The following ARHGAP28 variants were observed in gnomAD, a reference collection of about 807,000 sequenced individuals.
The protein encoded by ARHGAP28 is rho GTPase-activating protein 28.
A neutral mutation model predicts 90.7 loss-of-function variants in ARHGAP28; 56 were observed. The observed-to-expected ratio is 0.62, with a 90% CI of 0.50 to 0.77. The LOEUF (loss-of-function observed/expected upper bound fraction) is 0.77. ARHGAP28 is among the 30% of genes least tolerant of loss of function. ARHGAP28 has a pLI of 0.00. For synonymous variants in ARHGAP28, 308 were observed against 323.3 expected (o/e 0.95, Z 0.51); for missense variants, 869 against 900.9 (o/e 0.96, Z 0.45).
At chr18:6,841,653 A>G (rs2056829044) in intron 3 of ARHGAP28, among the ~76,000 whole-genome samples, 1 of 152,084 alleles carries the variant, frequency 6.6e-6, no homozygotes, top group African/African-American at 2.4e-5. Context: ...TTTGTAAGAT[A>G]TGGGTCCATT....
At chr18:6,895,002 C>A in intron 15 of ARHGAP28, 111 bp downstream of exon 15, 1 of 1,074,494 alleles carries the variant, frequency 9.3e-7, no homozygotes, top group Non-Finnish European at 1.4e-6. Flanking sequence ...TCAAACTTGA[C>A]ATTTTCAATG....
chr18:6,807,574 C>G (rs1297022845), intron 1 of ARHGAP28, among the ~76,000 whole-genome samples: 1 of 152,178 alleles, frequency 6.6e-6, no homozygotes, highest in South Asian at 2.1e-4. Context: ...TCTGAATACT[C>G]TATCCATGGT....
intron 1 of ARHGAP28, among the ~76,000 whole-genome samples, chr18:6,810,838 GGA>G (rs2056551015): frequency 6.6e-6 from 1 of 152,106 alleles, no homozygotes; most frequent in Admixed American, 6.6e-5. Flanking sequence ...TAGAGAATCA[GGA>G]GAGAGTGTTC....
At chr18:6,821,711 T>C (rs188529621) in intron 1 of ARHGAP28, among the ~76,000 whole-genome samples, 112 of 152,342 alleles carry the variant, frequency 7.4e-4, no homozygotes, top group Admixed American at 2.8e-3. Context: ...TTGGGTGGAC[T>C]GTTTCAGAAG....
chr18:6,778,547 A>G (rs1028144264), intron 1 of ARHGAP28, among the ~76,000 whole-genome samples: 1 of 152,192 alleles, frequency 6.6e-6, no homozygotes, highest in Admixed American at 6.5e-5. Flanking sequence ...TTGGAATCCT[A>G]GCTCTTCCTC....
rs138846710 is a variant in ARHGAP28 at position 6,744,141 on chromosome 18, C to T, written c.122+14198C>T. 1.5e-3 allele frequency among the ~76,000 whole-genome samples: 230 copies of T among 152,100 alleles called. 2 individuals are homozygous for T. The highest frequency in any genetic ancestry group is 5.1e-3 in the African/African-American group (211 of 41,498). On this transcript the variant is annotated intron_variant, in intron 1 of 17. Coordinates refer to ENST00000383472, the MANE Select transcript of ARHGAP28 (RefSeq NM_001366230.1). ...GTTAACAAAAACTTCTTGGAGGAGT[C>T]GATAGCTCAATTAAATCTAAAGAGT... is the stretch of plus-strand genomic sequence containing the variant.
At chr18:6,798,617 G>A (rs370461473) in intron 1 of ARHGAP28, among the ~76,000 whole-genome samples, 3 of 152,122 alleles carry the variant, frequency 2.0e-5, no homozygotes, top group East Asian at 1.9e-4. Context: ...AATACTGTAC[G>A]TTCTCACTGG....
chr18:6,832,156 T>C (rs567059585), intron 2 of ARHGAP28, among the ~76,000 whole-genome samples: 1 of 152,194 alleles, frequency 6.6e-6, no homozygotes, highest in Admixed American at 6.5e-5. Flanking sequence ...TATATCTTCA[T>C]TATTATTCAG....
At chr18:6,809,676 G>T (rs993212582) in intron 1 of ARHGAP28, among the ~76,000 whole-genome samples, 5 of 152,032 alleles carry the variant, frequency 3.3e-5, no homozygotes, top group Non-Finnish European at 7.4e-5. Flanking sequence ...ATGAAACATC[G>T]CTAGGGAGAC....
intron 2 of ARHGAP28, among the ~76,000 whole-genome samples, chr18:6,826,760 C>T (rs2056667497): frequency 7.2e-6 from 1 of 139,516 alleles, no homozygotes; most frequent in South Asian, 2.3e-4. Context: ...GGTCATAGGA[C>T]AATAGTGGAG....
intron 16 of ARHGAP28, among the ~76,000 whole-genome samples, chr18:6,905,193 G>A (rs1312518361): frequency 6.6e-6 from 1 of 151,620 alleles, no homozygotes; most frequent in Admixed American, 6.6e-5. Flanking sequence ...ATCTAACCCA[G>A]CATTTATTAA....
intron 7 of ARHGAP28, among the ~76,000 whole-genome samples, chr18:6,872,196 C>T (rs2057095325): frequency 6.6e-6 from 1 of 152,186 alleles, no homozygotes; most frequent in Admixed American, 6.5e-5. Flanking sequence ...CCAGCTCCTT[C>T]TGAGGTTTGG....
intron 1 of ARHGAP28, among the ~76,000 whole-genome samples, chr18:6,773,559 A>G (rs560974854): frequency 3.9e-5 from 6 of 152,334 alleles, no homozygotes; most frequent in African/African-American, 1.4e-4. Context: ...GAATTTCAGA[A>G]GGGCTCAAAG....
At chr18:6,756,072 C>T (rs2143291141) in intron 1 of ARHGAP28, among the ~76,000 whole-genome samples, 1 of 152,296 alleles carries the variant, frequency 6.6e-6, no homozygotes, top group East Asian at 1.9e-4. Flanking sequence ...ACTGTGGGAA[C>T]TTGGGCAGGT....
chr18:6,910,196 A>C (rs1474565509), intron 17 of ARHGAP28, among the ~76,000 whole-genome samples: 1 of 152,116 alleles, frequency 6.6e-6, no homozygotes, highest in Admixed American at 6.5e-5. Context: ...CACTTTCTTC[A>C]CCTGACTTCA....
chr18:6,805,608 C>T (rs899284643), intron 1 of ARHGAP28, among the ~76,000 whole-genome samples: 8 of 150,970 alleles, frequency 5.3e-5, no homozygotes, highest in Non-Finnish European at 1.0e-4. Context: ...TCCTCAGCCT[C>T]CTGAGTAGCT....
At chr18:6,886,401 C>A (rs150146522) in intron 11 of ARHGAP28, among the ~76,000 whole-genome samples, 2 of 152,140 alleles carry the variant, frequency 1.3e-5, no homozygotes, top group African/African-American at 4.8e-5. Flanking sequence ...GGATGGAATC[C>A]CTGAGTATAA....
At chr18:6,797,528 T>A (rs2056449925) in intron 1 of ARHGAP28, among the ~76,000 whole-genome samples, 1 of 152,188 alleles carries the variant, frequency 6.6e-6, no homozygotes, top group African/African-American at 2.4e-5. Flanking sequence ...TCTGTTTCCT[T>A]TTGTCTTCTG....
chr18:6,836,289 G>A (rs1032175502), intron 2 of ARHGAP28: 3 of 152,466 alleles, frequency 2.0e-5, no homozygotes, highest in Non-Finnish European at 2.9e-5. Context: ...CAGCCATCCG[G>A]GACACTTGCA....
Sources: gnomAD v4.1 joint callset for allele counts (sites outside exome capture counted in the v4.1 genomes callset) on GRCh38, gnomAD v4.1.1 for gene constraint, MANE v1.5 for transcripts, NCBI Gene and HGNC (gene_info 2026-07-23, HGNC 2026-07-21) for gene names.